The following PGR variants were observed in gnomAD, a reference collection of about 807,000 sequenced individuals.
PGR encodes progesterone receptor.
Under a neutral mutation model 76.1 loss-of-function variants are expected in PGR, and 25 were observed. The ratio of observed to expected loss-of-function variants is 0.33; its 90% CI spans 0.24 to 0.46. PGR has a LOEUF of 0.46. PGR is among the 20% of genes least tolerant of loss of function. The pLI is 1.00. For missense variants in PGR, 1,172 were observed against 1,225.3 expected (o/e 0.96, Z 0.65); for synonymous variants, 579 against 535.0 (o/e 1.08, Z -1.14).
rs558760808 is a variant in PGR at position 101,068,294 on chromosome 11, C to T, written c.1907-5542G>A. 5.3e-5 allele frequency among the ~76,000 whole-genome samples: 8 copies of T among 152,092 alleles called. 1 individual carries two copies. In the South Asian group the frequency reaches 1.7e-3, roughly 32 times the overall value. The stretch of plus-strand genomic sequence containing the variant: ...CAATTGCTACAAAGAGAATTAAATG[C>T]CCAGGAATACAACTTACAAGGGATG... On this transcript the variant is annotated intron_variant, in intron 3 of 7. Coordinates refer to ENST00000325455, the MANE Select transcript of PGR (RefSeq NM_000926.4).
intron 2 of PGR, among the ~76,000 whole-genome samples, chr11:101,119,008 T>C (rs1862593551): frequency 6.6e-6 from 1 of 152,166 alleles, no homozygotes. Context: ...GGTTTCTGGA[T>C]GAAATTGTTC....
chr11:101,041,710 A>T, intron 7 of PGR: 1 of 480,892 alleles, frequency 2.1e-6, no homozygotes, highest in Non-Finnish European at 3.7e-6. Context: ...AATTTCTATC[A>T]GCTATTAAAT....
At chr11:101,127,204 G>T in intron 1 of PGR, 1 of 363,716 alleles carries the variant, frequency 2.7e-6, no homozygotes, top group Non-Finnish European at 4.9e-6. Flanking sequence ...AGGGAGGCAC[G>T]CCCCAAAAAT....
chr11:101,036,192 G>T lies in PGR; in HGVS notation c.*2924C>A. The T allele has an allele frequency of 9.1e-6, 2 of 219,242 alleles. No individual in the cohort carries two copies. The highest frequency in any genetic ancestry group is 1.8e-5 in the Non-Finnish European group (2 of 109,528). 13.6% of individuals were successfully genotyped at this position (219,242 alleles called of 1,614,324 possible). On this transcript the variant is annotated 3_prime_UTR_variant, in exon 8 of 8. Transcript: ENST00000325455. Reference sequence around the variant, plus strand: ...TGGCTACTTACAAGGCATAGTTTTGGCAAAAAAAATATTGTTCATCATATT... The same window carrying T: ...TGGCTACTTACAAGGCATAGTTTTGTCAAAAAAAATATTGTTCATCATATT...
rs543869724 is a variant in PGR at position 101,037,364 on chromosome 11, G to A, written c.*1752C>T. Reference sequence around the variant, plus strand: ...TTCCTGAGTTATATGTCTTTCTTCAGCTCCAAATTCTCATAAGGCTTATTA... The same window carrying A: ...TTCCTGAGTTATATGTCTTTCTTCAACTCCAAATTCTCATAAGGCTTATTA... On this transcript the variant is annotated 3_prime_UTR_variant, in exon 8 of 8. Transcript: ENST00000325455. 1 of 216,528 alleles carries A rather than the reference G, an allele frequency of 4.6e-6. No homozygotes were observed. The highest frequency in any genetic ancestry group is 9.3e-6 in the Non-Finnish European group (1 of 107,610). The allele number at this position is 216,528 out of a possible 1,614,324, so 13.4% of individuals were successfully genotyped here. A position where few individuals can be genotyped will look rare whatever the true frequency, so the allele number is the denominator to read the frequency against.
At chr11:101,062,809 T>C (rs771473020) in intron 3 of PGR, 57 bp from the exon 4 acceptor site, 3 of 1,174,486 alleles carry the variant, frequency 2.6e-6, no homozygotes, top group South Asian at 2.7e-5. Flanking sequence ...CATATCCCAG[T>C]ATAGTATTAT....
chr11:101,128,377 ACTCCTCGGACTCAGAGCCATC>A lies in PGR; in HGVS notation c.673_693del (p.Asp225_Glu231del), dbSNP rs756334865. 6.2e-7 allele frequency: 1 copy of A among 1,607,772 alleles called. No homozygotes were observed. Among genetic ancestry groups the A allele is most frequent in the Non-Finnish European group, 8.5e-7 (1 of 1,179,660 alleles). ...TTGCCCTTCAGAAGCGGACCCGCAGACTCCTCGGACTCAGAGCCATCCTCCTCCTCAACCTCCACCGCAGCG... is the reference window on the plus strand; with the variant it reads ...TTGCCCTTCAGAAGCGGACCCGCAGACTCCTCCTCAACCTCCACCGCAGCG... On this transcript the variant is annotated inframe_deletion, in exon 1 of 8. Transcript: ENST00000325455.
intron 4 of PGR, among the ~76,000 whole-genome samples, chr11:101,054,812 C>T (rs1429361320): frequency 6.6e-6 from 1 of 152,120 alleles, no homozygotes; most frequent in East Asian, 1.9e-4. Context: ...ATTATGCACA[C>T]TGTAGAACAC....
chr11:101,070,623 C>T (rs1179208951), intron 3 of PGR, among the ~76,000 whole-genome samples: 1 of 152,168 alleles, frequency 6.6e-6, no homozygotes, highest in Admixed American at 6.5e-5. Context: ...ACCTGGGACG[C>T]TGGAGCATGG....
chr11:101,056,774 C>T (rs1362209162), intron 4 of PGR, among the ~76,000 whole-genome samples: 1 of 151,654 alleles, frequency 6.6e-6, no homozygotes. Flanking sequence ...AGATAATCTA[C>T]AACAATGGCA....
rs143611592 is a variant in PGR at position 101,081,179 on chromosome 11, C to T, written c.1906+10581G>A. On this transcript the variant is annotated intron_variant, in intron 3 of 7. Coordinates refer to ENST00000325455, the MANE Select transcript of PGR (RefSeq NM_000926.4). ...GCGTGGTGACTCATGTCTGTAATCC[C>T]AGCACTTTGGGAGGCTGAGGCAGGT... Among the ~76,000 whole-genome samples the T allele has an allele frequency of 8.0e-3, 1,223 of 152,228 alleles. 20 individuals are homozygous for T. Among genetic ancestry groups the T allele is most frequent in the African/African-American group, 0.028 (1,167 of 41,528 alleles).
chr11:101,065,373 G>T (rs1195168396), intron 3 of PGR, among the ~76,000 whole-genome samples: 2 of 152,138 alleles, frequency 1.3e-5, no homozygotes, highest in African/African-American at 4.8e-5. Flanking sequence ...CCACTTTGTT[G>T]TTTTTTTATA....
At chr11:101,090,089 T>C (rs1489428403) in intron 3 of PGR, among the ~76,000 whole-genome samples, 1 of 151,866 alleles carries the variant, frequency 6.6e-6, no homozygotes, top group Non-Finnish European at 1.5e-5. Flanking sequence ...TACCAGCTAC[T>C]TGGGAGGTTG....
intron 3 of PGR, among the ~76,000 whole-genome samples, chr11:101,064,526 T>C (rs1172717482): frequency 2.0e-5 from 3 of 151,918 alleles, no homozygotes; most frequent in Non-Finnish European, 2.9e-5. Context: ...GGAACAGTTA[T>C]GGAGTATATA....
chr11:101,031,544 G>C lies in PGR; in HGVS notation c.*7572C>G. On this transcript the variant is annotated 3_prime_UTR_variant, in exon 8 of 8. Coordinates refer to ENST00000325455, the MANE Select transcript of PGR (RefSeq NM_000926.4). ...ACCAGTGCTCCCTCCTCAGCTCCAAGGCTGTGGAGGGCTCATGAAGTCACA... is the reference window on the plus strand; with the variant it reads ...ACCAGTGCTCCCTCCTCAGCTCCAACGCTGTGGAGGGCTCATGAAGTCACA... The C allele has an allele frequency of 4.4e-6, 1 of 227,136 alleles. No individual in the cohort carries two copies. The allele number at this position is 227,136 out of a possible 1,614,324, so 14.1% of individuals were successfully genotyped here. A position where few individuals can be genotyped will look rare whatever the true frequency, so the allele number is the denominator to read the frequency against.
chr11:101,106,339 A>G (rs1249332425), intron 2 of PGR, among the ~76,000 whole-genome samples: 5 of 152,156 alleles, frequency 3.3e-5, no homozygotes, highest in Non-Finnish European at 7.3e-5. Flanking sequence ...CTGACAAAGG[A>G]CTAATATCCA....
chr11:101,124,926 A>T (rs1162831772), intron 2 of PGR, among the ~76,000 whole-genome samples: 1 of 152,108 alleles, frequency 6.6e-6, no homozygotes, highest in Non-Finnish European at 1.5e-5. Flanking sequence ...TACAAAGCAA[A>T]TATTTGTTAT....
intron 3 of PGR, among the ~76,000 whole-genome samples, chr11:101,074,287 T>C (rs1168651957): frequency 1.3e-5 from 2 of 152,170 alleles, no homozygotes; most frequent in Middle Eastern, 3.2e-3. Flanking sequence ...CCCTTCATGC[T>C]AAAAACTCTC....
intron 2 of PGR, among the ~76,000 whole-genome samples, chr11:101,104,337 C>G (rs1862083877): frequency 6.6e-6 from 1 of 152,148 alleles, no homozygotes; most frequent in Middle Eastern, 3.2e-3. Context: ...GACTTTCATT[C>G]AAATTCAGTT....
Sources: allele counts gnomAD v4.1 joint callset (sites outside exome capture counted in the v4.1 genomes callset), GRCh38; gene constraint gnomAD v4.1.1; transcripts MANE v1.5; gene names NCBI Gene and HGNC (gene_info 2026-07-23, HGNC 2026-07-21).